The following LAMA5 variants were observed in gnomAD, a reference collection of about 807,000 sequenced individuals.
The protein encoded by LAMA5 is laminin subunit alpha 5, also known as laminin subunit alpha-5.
In LAMA5, 260 loss-of-function variants were observed where a neutral mutation model predicts 433.4. The ratio of observed to expected loss-of-function variants is 0.60; its 90% confidence interval spans 0.54 to 0.66. The LOEUF (loss-of-function observed/expected upper bound fraction) is 0.66. Ranked by LOEUF, LAMA5 falls within the 30% of genes least tolerant of loss-of-function variation. The pLI is 0.00. For synonymous variants in LAMA5, 2,620 were observed against 2,226.6 expected (o/e 1.18, Z -4.97); for missense variants, 5,378 against 5,258.5 (o/e 1.02, Z -0.70).
In LAMA5 at chr20:62,326,548, AC is replaced by A. The variant is rs1979322462; in HGVS notation, c.5298+128del. The A allele has an allele frequency of 4.2e-6, 3 of 707,074 alleles. No individual in the cohort carries two copies. In the East Asian group the frequency reaches 8.2e-5, roughly 19 times the overall value. 43.8% of individuals were successfully genotyped at this position (707,074 alleles called of 1,614,324 possible). A position where few individuals can be genotyped will look rare whatever the true frequency, so the allele number is the denominator to read the frequency against. ...GGGTGTGGGGACCTCCCCAGCCCCC[AC>A]CCCGCTTCTGCTCCTGGGCTGTTTT... On this transcript the variant is annotated intron_variant, in intron 40 of 79. Coordinates refer to ENST00000252999, the MANE Select transcript of LAMA5 (RefSeq NM_005560.6).
rs376314006 is a variant in LAMA5, at chr20:62,314,925, C to T, written c.8070G>A (p.Leu2690=). 7.0e-5 allele frequency: 112 copies of T among 1,605,032 alleles called. No homozygotes were observed. The highest frequency in any genetic ancestry group is 9.4e-5 in the Non-Finnish European group (111 of 1,178,246). ...GHSVSTLEKT[L]PQLLAKLSIL... ...TGCTCAGCTTGGCCAGCAGCTGGGG[C>T]AGCGTCTTCTCCAGGGTGGACACTG... is the stretch of plus-strand genomic sequence containing the variant. Residue 2690 remains leucine (L), a synonymous_variant, in exon 60 of 80, where the codon CTG becomes CTA. Transcript: ENST00000252999.
intron 6 of LAMA5, 127 bp from the exon 7 acceptor site, chr20:62,347,155 C>T: frequency 1.5e-6 from 1 of 680,964 alleles, no homozygotes; most frequent in East Asian, 2.7e-5. Context: ...CGGCCCCCCG[C>T]TGCTGTTTCT....
In LAMA5 at chr20:62,338,551, A is replaced by C. The variant is rs768877842; in HGVS notation, c.1535T>G (p.Val512Gly). Residue 512 changes from valine (V) to glycine (G), a missense_variant, in exon 12 of 80, where the codon GTG becomes GGG. Coordinates refer to ENST00000252999, the MANE Select transcript of LAMA5 (RefSeq NM_005560.6). ...QGNACRKDPR[V>G]GRCLCKPNFQ... is the part of the protein sequence containing the mutation. The stretch of plus-strand genomic sequence containing the variant: ...GTTGGGTTTGCACAGACAGCGTCCC[A>C]CCCTTGGGTCCTTCCGGCAGGCGTT... The C allele has an allele frequency of 6.2e-6, 10 of 1,610,922 alleles. No individual in the cohort carries two copies. In the African/African-American group the frequency reaches 1.1e-4, roughly 17 times the overall value.
At chr20:62,342,029 G>A (rs1016127650) in intron 11 of LAMA5, among the ~76,000 whole-genome samples, 6 of 152,296 alleles carry the variant, frequency 3.9e-5, no homozygotes, top group Admixed American at 6.5e-5. Context: ...CTGGCCAGGC[G>A]TGGTGGCTCA....
In LAMA5 at chr20:62,352,050, C is replaced by T. The variant is rs749748477; in HGVS notation, c.717G>A (p.Pro239=). 16 of 1,612,174 alleles carry T rather than the reference C, an allele frequency of 9.9e-6. No individual in the cohort carries two copies. The highest frequency in any genetic ancestry group is 8.9e-5 in the East Asian group (4 of 44,874). ...GCGAGTAGGAGAAATTCATGGCGCC[C>T]GGACGTCCGTTCACCAGGGACACCA... ...EIVVSLVNGR[P]GAMNFSYSPL... Residue 239 remains proline, a synonymous_variant, in exon 5 of 80, where the codon CCG becomes CCA. Coordinates refer to ENST00000252999, the MANE Select transcript of LAMA5 (RefSeq NM_005560.6).
intron 18 of LAMA5, among the ~76,000 whole-genome samples, chr20:62,335,725 C>G (rs138088113): frequency 1.3e-3 from 181 of 143,710 alleles, no homozygotes; most frequent in African/African-American, 4.2e-3. Flanking sequence ...CTCACAGGCT[C>G]CAGCACCCCG....
intron 35 of LAMA5, 77 bp downstream of exon 35, chr20:62,328,164 G>A (rs1979654176): frequency 6.6e-7 from 1 of 1,512,236 alleles, no homozygotes; most frequent in Non-Finnish European, 8.9e-7. Context: ...CAGGGTGGGT[G>A]CCAGGACCCT....
intron 6 of LAMA5, among the ~76,000 whole-genome samples, chr20:62,350,225 C>G (rs1208316552): frequency 2.0e-5 from 3 of 152,040 alleles, no homozygotes; most frequent in Admixed American, 6.5e-5. Context: ...CTGGTGGGTT[C>G]CACTCCCTGC....
chr20:62,324,223 T>A lies in LAMA5; in HGVS notation c.5644-19A>T, dbSNP rs1469426442. 1 of 1,577,346 alleles carries A rather than the reference T, an allele frequency of 6.3e-7. No homozygotes were observed. The highest frequency in any genetic ancestry group is 2.1e-5 in the Admixed American group (1 of 48,372). The stretch of plus-strand genomic sequence containing the variant: ...GGCAGTCCTGGGGCAGAGTGGACAG[T>A]CAGAGCTATGGTGGACACCCACATC... On this transcript the variant is annotated intron_variant, in intron 42 of 79. Transcript: ENST00000252999. The surrounding 1 kb of genome is among the most constrained non-coding windows in gnomAD (Gnocchi z 4.4).
chr20:62,309,428 T>A lies in LAMA5; in HGVS notation c.10996A>T (p.Arg3666Trp), dbSNP rs1363310371. The change falls in exon 80 of 80, where the codon AGG becomes TGG. Residue 3666 changes from arginine to tryptophan, a missense_variant. By Grantham distance (101) the Arg-to-Trp change is moderately radical. Transcript: ENST00000252999. ...PWPPAYCGCMRRLAVNRSPVA... is the reference protein window; with the variant it reads ...PWPPAYCGCMWRLAVNRSPVA... ...GGGGACCGGTTCACCGCCAGCCTCC[T>A]CATGCAGCCGCAGTAGGCGGGGGGC... 1 of 1,584,528 alleles carries A rather than the reference T, an allele frequency of 6.3e-7. No individual in the cohort carries two copies. Among genetic ancestry groups the A allele is most frequent in the South Asian group, 1.1e-5 (1 of 87,940 alleles).
In LAMA5 at chr20:62,314,676, G is replaced by T. The variant is rs149487220; in HGVS notation, c.8246C>A (p.Thr2749Asn). Residue 2749 changes from threonine to asparagine, a missense_variant, in exon 61 of 80, where the codon ACC (threonine) becomes AAC (asparagine). By Grantham distance (65) the Thr-to-Asn change is moderately conservative (BLOSUM62 0). Transcript: ENST00000252999. Reference protein sequence around the residue: ...FNGRSGVQLRTPRDLADLAAY... With the variant: ...FNGRSGVQLRNPRDLADLAAY... ...AGCAAGGTCGGCAAGATCCCGTGGG[G>T]TGCGCAGCTGCACCCCTGAGCGCCC... 2.5e-6 allele frequency: 4 copies of T among 1,612,574 alleles called. No individual in the cohort carries two copies. The African/African-American group carries it at 4.0e-5, about 16-fold the overall frequency.
intron 1 of LAMA5, among the ~76,000 whole-genome samples, chr20:62,365,490 G>A (rs534450971): frequency 6.5e-4 from 99 of 152,352 alleles, no homozygotes; most frequent in African/African-American, 2.3e-3. Context: ...CAGCCACGCA[G>A]CATGGGCAGG....
rs201781930 is a variant in LAMA5, at chr20:62,362,414, G to T, written c.436C>A (p.Leu146Met). 1.6e-5 allele frequency: 25 copies of T among 1,561,036 alleles called. No homozygotes were observed. In the East Asian group the frequency reaches 5.9e-4, roughly 37 times the overall value. Residue 146 changes from leucine (L) to methionine (M), a missense_variant, in exon 2 of 80, where the codon CTG becomes ATG. Leu to Met is a conservative substitution (Grantham distance 15, BLOSUM62 2). Transcript: ENST00000252999. The stretch of plus-strand genomic sequence containing the variant: ...AGGGTCCCTACCTGGCCCAGGTCCA[G>T]GGTGACGTTGACCTCGTTGTACTCC... ...GLEYNEVNVT[L>M]DLGQVFHVAY...
intron 31 of LAMA5, 42 bp downstream of exon 31, chr20:62,330,446 T>A (rs535422892): frequency 1.3e-6 from 2 of 1,488,116 alleles, no homozygotes; most frequent in African/African-American, 2.8e-5. Flanking sequence ...TCCAGCCTCA[T>A]CGTGTGTGGT....
rs772927744 is a variant in LAMA5 at position 62,310,435 on chromosome 20, C to CCCG, written c.10581_10583dup (p.Gly3529dup). The CCCG allele has an allele frequency of 1.9e-6, 3 of 1,604,646 alleles. No homozygotes were observed. The South Asian group carries it at 3.3e-5, about 18-fold the overall frequency. The stretch of plus-strand genomic sequence containing the variant: ...CCCACAGACCTAAAGTGATAACTCC[C>CCCG]CCGCTGCCTGGGAAGAACAGGCCCG... On this transcript the variant is annotated inframe_insertion, in exon 76 of 80. Transcript: ENST00000252999.
intron 6 of LAMA5, among the ~76,000 whole-genome samples, chr20:62,349,360 A>G (rs1983849056): frequency 6.6e-6 from 1 of 151,456 alleles, no homozygotes. Context: ...CAGAACACCA[A>G]TGGCAAAAAG....
rs116268008 is a variant in LAMA5 at position 62,317,644 on chromosome 20, G to A, written c.7356+18C>T. 2,420 of 1,542,042 alleles carry A rather than the reference G, an allele frequency of 1.6e-3. 8 individuals are homozygous for A. Among genetic ancestry groups the A allele is most frequent in the African/African-American group, 0.013 (927 of 72,986 alleles). Reference sequence around the variant, plus strand: ...GGCCGTGGATGGGGTGGCGACAGGGGCCAGGGGCTGCACTCACCTCCTTAG... The same window carrying A: ...GGCCGTGGATGGGGTGGCGACAGGGACCAGGGGCTGCACTCACCTCCTTAG... On this transcript the variant is annotated intron_variant, in intron 54 of 79. Coordinates refer to ENST00000252999, the MANE Select transcript of LAMA5 (RefSeq NM_005560.6).
chr20:62,358,184 G>T (rs1985520612), intron 2 of LAMA5, among the ~76,000 whole-genome samples: 1 of 152,176 alleles, frequency 6.6e-6, no homozygotes, highest in Admixed American at 6.5e-5. Context: ...ATGGCGCGGG[G>T]GTGCGGGGAG....
Position 62,335,219 on chromosome 20 carries a change from G to T in LAMA5, c.2374C>A (p.Pro792Thr), listed in dbSNP as rs140819473. The T allele has an allele frequency of 1.2e-6, 2 of 1,612,626 alleles. No individual in the cohort carries two copies. The highest frequency in any genetic ancestry group is 2.7e-5 in the African/African-American group (2 of 74,804). Residue 792 changes from proline to threonine, a missense_variant and splice_region_variant, in exon 19 of 80, where the codon CCG (proline) becomes ACG (threonine). Pro to Thr is a conservative substitution (Grantham distance 38, BLOSUM62 -1). Transcript: ENST00000252999. ...CACACCTTGGTCCTCAGACTCACCG[G>T]CTGGCACTCAGCAACTCCACCCAGT... ...GTLGGVAECQ[P>T]GTGQCFCKPH...
Sources: allele counts gnomAD v4.1 joint callset (sites outside exome capture counted in the v4.1 genomes callset), GRCh38; gene constraint gnomAD v4.1.1; non-coding constraint Gnocchi (gnomAD v3.1); transcripts MANE v1.5; gene names NCBI Gene and HGNC (gene_info 2026-07-23, HGNC 2026-07-21).